ADAMTSL3: variants seen among roughly 807,000 people sequenced by gnomAD.
ADAMTSL3 encodes the protein ADAMTS-like protein 3.
Under a neutral mutation model 201.7 loss-of-function variants are expected in ADAMTSL3, and 128 were observed. The ratio of observed to expected loss-of-function variants is 0.63; its 90% CI spans 0.55 to 0.73. The LOEUF is 0.73. Among genes scored for constraint, ADAMTSL3 ranks in the 30% least tolerant of loss-of-function variants. The pLI is 0.00. For synonymous variants in ADAMTSL3, 738 were observed against 748.4 expected, an observed-to-expected ratio of 0.99 and a Z score of 0.23; for missense variants, 1,990 against 2,119.6, an observed-to-expected ratio of 0.94 and a Z score of 1.20.
intron 17 of ADAMTSL3, among the ~76,000 whole-genome samples, chr15:83,930,304 A>T (rs1349572742): frequency 6.6e-6 from 1 of 152,142 alleles, no homozygotes; most frequent in Non-Finnish European, 1.5e-5. Flanking sequence ...TTTTGTAACA[A>T]TCCTTATGTC....
chr15:83,977,096 C>T (rs2067301909), intron 20 of ADAMTSL3, among the ~76,000 whole-genome samples: 1 of 152,140 alleles, frequency 6.6e-6, no homozygotes. Flanking sequence ...CTGAGCTCTG[C>T]CTTCTGTCAG....
intron 4 of ADAMTSL3, among the ~76,000 whole-genome samples, chr15:83,779,388 A>G (rs1274513773): frequency 6.6e-6 from 1 of 152,038 alleles, no homozygotes; most frequent in Non-Finnish European, 1.5e-5. Flanking sequence ...AGCAAAGGCA[A>G]AAGAACTGAA....
At chr15:83,895,094 C>T (rs962481506) in intron 13 of ADAMTSL3, among the ~76,000 whole-genome samples, 2 of 152,066 alleles carry the variant, frequency 1.3e-5, no homozygotes, top group Non-Finnish European at 2.9e-5. Context: ...ATCAATAGAC[C>T]GGGATGGAAG....
At chr15:83,721,915 T>TAG (rs2062106845) in intron 3 of ADAMTSL3, among the ~76,000 whole-genome samples, 1 of 152,034 alleles carries the variant, frequency 6.6e-6, no homozygotes, top group Non-Finnish European at 1.5e-5. Flanking sequence ...TTATTTTTAG[T>TAG]AGAGATGGGG....
At chr15:83,742,080 A>G (rs960487135) in intron 3 of ADAMTSL3, among the ~76,000 whole-genome samples, 2 of 152,202 alleles carry the variant, frequency 1.3e-5, no homozygotes, top group African/African-American at 2.4e-5. Context: ...AAAAATTACT[A>G]TATATTAATT....
rs565039479 is a variant in ADAMTSL3 at position 83,731,278 on chromosome 15, A to G, written c.189+26770A>G. 3.9e-5 allele frequency among the ~76,000 whole-genome samples: 6 copies of G among 152,238 alleles called. No homozygotes were observed. The South Asian group carries it at 1.2e-3, about 31-fold the overall frequency. ...AATGGCATTTCTCAAAAGAAGACAT[A>G]CAAGTGGCCAACAGGTATATAAAAA... is the stretch of plus-strand genomic sequence containing the variant. On this transcript the variant is annotated intron_variant, in intron 3 of 29. Transcript: ENST00000286744.
intron 9 of ADAMTSL3, among the ~76,000 whole-genome samples, chr15:83,878,634 A>G (rs2065220163): frequency 6.6e-6 from 1 of 151,888 alleles, no homozygotes; most frequent in Non-Finnish European, 1.5e-5. Context: ...AATAGAATTC[A>G]TTGTTAATAT....
At position 83,990,104 on chromosome 15, in the gene ADAMTSL3, G is replaced by T. The variant is rs1596505630; in HGVS notation, c.3845-982G>T. 2.6e-5 allele frequency among the ~76,000 whole-genome samples: 4 copies of T among 152,328 alleles called. No homozygotes were observed. The South Asian group carries it at 8.3e-4, about 32-fold the overall frequency. ...AGGGCCTCTCTGAACCACACATTGG[G>T]TGAGGGAACTGCAGTTGGAAGAGAT... is the stretch of plus-strand genomic sequence containing the variant. On this transcript the variant is annotated intron_variant, in intron 22 of 29. Coordinates refer to ENST00000286744, the MANE Select transcript of ADAMTSL3 (RefSeq NM_207517.3).
chr15:83,901,732 A>G (rs1307251415), intron 15 of ADAMTSL3, among the ~76,000 whole-genome samples: 1 of 149,102 alleles, frequency 6.7e-6, no homozygotes, highest in African/African-American at 2.5e-5. Flanking sequence ...CCAACTGTAT[A>G]AGGAAGGCAT....
At chr15:83,770,945 T>C (rs1233217474) in intron 3 of ADAMTSL3, among the ~76,000 whole-genome samples, 1 of 152,072 alleles carries the variant, frequency 6.6e-6, no homozygotes, top group Admixed American at 6.5e-5. Context: ...CAGGCACCTG[T>C]AGTCCCAGCT....
At chr15:83,994,604 T>G (rs1340859685) in intron 23 of ADAMTSL3, among the ~76,000 whole-genome samples, 7 of 133,776 alleles carry the variant, frequency 5.2e-5, no homozygotes, top group East Asian at 4.2e-4. Context: ...TTTTTTTTTT[T>G]TTTTTTTTTT....
intron 3 of ADAMTSL3, among the ~76,000 whole-genome samples, chr15:83,757,824 G>A (rs1279286292): frequency 6.6e-6 from 1 of 152,104 alleles, no homozygotes; most frequent in Non-Finnish European, 1.5e-5. Context: ...CAGATACCCT[G>A]AATCATCTCC....
At chr15:83,819,208 T>C (rs28712354) in intron 5 of ADAMTSL3, among the ~76,000 whole-genome samples, 30,153 of 149,184 alleles carry the variant, frequency 0.2, 3,243 homozygotes, top group Non-Finnish European at 0.25. Flanking sequence ...GAGGCGGAGG[T>C]TGCAGTGAGC....
chr15:83,831,408 A>G (rs1361938887), intron 6 of ADAMTSL3, among the ~76,000 whole-genome samples: 3 of 152,214 alleles, frequency 2.0e-5, no homozygotes, highest in Non-Finnish European at 4.4e-5. Context: ...AGGGAAAGAT[A>G]CAACTACAGC....
intron 15 of ADAMTSL3, among the ~76,000 whole-genome samples, chr15:83,904,356 G>C (rs1470190170): frequency 6.6e-6 from 1 of 152,048 alleles, no homozygotes; most frequent in Non-Finnish European, 1.5e-5. Flanking sequence ...ACATATCTCA[G>C]CTTCCAGTGC....
Position 84,037,808 on chromosome 15 carries a change from C to T in ADAMTSL3, c.*2C>T. 3 of 1,610,386 alleles carry T rather than the reference C, an allele frequency of 1.9e-6. No homozygotes were observed. Among genetic ancestry groups the T allele is most frequent in the African/African-American group, 1.3e-5 (1 of 74,706 alleles). ...TGCCAGTCATGTCAAGAGGGATAAA[C>T]CTTTGGAGGGGTCATGATGCTGCTG... On this transcript the variant is annotated 3_prime_UTR_variant, in exon 30 of 30. Transcript: ENST00000286744.
intron 4 of ADAMTSL3, among the ~76,000 whole-genome samples, chr15:83,777,304 A>G (rs750225881): frequency 6.6e-6 from 1 of 152,184 alleles, no homozygotes; most frequent in Non-Finnish European, 1.5e-5. Flanking sequence ...ATATGTGCAA[A>G]TGAGTATGGA....
intron 7 of ADAMTSL3, among the ~76,000 whole-genome samples, chr15:83,855,235 A>T (rs139260386): frequency 2.7e-3 from 418 of 152,284 alleles, no homozygotes; most frequent in Non-Finnish European, 4.8e-3. Context: ...CCCCACATAG[A>T]CATGCGGTCT....
At chr15:83,889,981 G>T in intron 10 of ADAMTSL3, 128 bp from the exon 11 acceptor site, 2 of 990,046 alleles carry the variant, frequency 2.0e-6, no homozygotes, top group Non-Finnish European at 3.0e-6. Context: ...CTGTTATAGA[G>T]CCAGGGTTGA....
Sources: gnomAD v4.1 joint callset for allele counts (sites outside exome capture counted in the v4.1 genomes callset) on GRCh38, gnomAD v4.1.1 for gene constraint, MANE v1.5 for transcripts, NCBI Gene and HGNC (gene_info 2026-07-23, HGNC 2026-07-21) for gene names.